C15orf40: variants seen among roughly 807,000 people sequenced by gnomAD.
The protein encoded by C15orf40 is UPF0235 protein C15orf40.
In C15orf40, 9 loss-of-function variants were observed where a neutral mutation model predicts 13.9. The ratio of observed to expected loss-of-function variants is 0.65; its 90% CI spans 0.39 to 1.13. C15orf40 has a LOEUF of 1.13. C15orf40 is among the 50% of genes most tolerant of loss of function. The pLI is 0.01. For synonymous variants in C15orf40, 95 were observed against 69.2 expected, an observed-to-expected ratio of 1.37 and a Z score of -1.85; for missense variants, 225 against 188.5, an observed-to-expected ratio of 1.19 and a Z score of -1.13.
At position 82,996,208 on chromosome 15, in the gene C15orf40, C is replaced by G. The variant is rs763247335; in HGVS notation, c.*9389G>C. The G allele has an allele frequency of 1.3e-5, 2 of 152,142 alleles. No individual in the cohort carries two copies. Among genetic ancestry groups the G allele is most frequent in the Non-Finnish European group, 2.9e-5 (2 of 68,036 alleles). 9.4% of individuals were successfully genotyped at this position (152,142 alleles called of 1,614,324 possible). On this transcript the variant is annotated 3_prime_UTR_variant, in exon 4 of 4. Transcript: ENST00000304177. ...GATCTCATGGTTTTTTTCCACTGCT[C>G]GTGCCTTTAACTCCCTAAAGAATCT...
At chr15:83,008,994 A>G (rs1181527194) in intron 2 of C15orf40, among the ~76,000 whole-genome samples, 1 of 152,174 alleles carries the variant, frequency 6.6e-6, no homozygotes, top group Non-Finnish European at 1.5e-5. Context: ...GAAGAGCCCC[A>G]GGCAGGGAGT....
At position 83,004,986 on chromosome 15, in the gene C15orf40, A is replaced by G. The variant is rs558621576; in HGVS notation, c.*611T>C. On this transcript the variant is annotated 3_prime_UTR_variant, in exon 4 of 4. Transcript: ENST00000304177. ...GTCTCTCAACTTCTGGATATAGGAA[A>G]TCAAAGGCCCCCCAACAGAATGAAA... 550 of 1,277,036 alleles carry G rather than the reference A, an allele frequency of 4.3e-4. No individual in the cohort carries two copies. The highest frequency in any genetic ancestry group is 5.3e-4 in the Non-Finnish European group (508 of 966,876). The allele number at this position is 1,277,036 out of a possible 1,614,324, so 79.1% of individuals were successfully genotyped here.
chr15:82,989,791 G>A, downstream of C15orf40: 1 of 1,465,576 alleles, frequency 6.8e-7, no homozygotes, highest in Non-Finnish European at 9.2e-7. Flanking sequence ...TTGTGTATTA[G>A]AATGAGAAAC....
chr15:82,989,329 C>A, downstream of C15orf40: 3 of 649,610 alleles, frequency 4.6e-6, no homozygotes, highest in Non-Finnish European at 7.1e-6. Context: ...CCTGGTACAT[C>A]ATTTCTGATA....
downstream of C15orf40, chr15:82,988,978 T>G (rs1286849615): frequency 4.5e-6 from 7 of 1,541,416 alleles, 1 homozygote; most frequent in South Asian, 8.8e-5. Context: ...TTTTAAATTT[T>G]TTTTAATGGA....
rs757287860 is a variant in C15orf40, at chr15:83,004,871, T to C, written c.*726A>G. 1.5e-5 allele frequency: 20 copies of C among 1,303,250 alleles called. No homozygotes were observed. The highest frequency in any genetic ancestry group is 2.1e-4 in the Middle Eastern group (1 of 4,692). The allele number at this position is 1,303,250 out of a possible 1,614,324, so 80.7% of individuals were successfully genotyped here. ...CCAGAACCGTTGTGGAGATATGATT[T>C]TTAATTTACAATCTAGAAAAACTGC... On this transcript the variant is annotated 3_prime_UTR_variant, in exon 4 of 4. Coordinates refer to ENST00000304177, the MANE Select transcript of C15orf40 (RefSeq NM_144597.3).
intron 3 of C15orf40, chr15:83,006,364 A>G: frequency 2.1e-6 from 2 of 973,276 alleles, no homozygotes; most frequent in Non-Finnish European, 2.4e-6. Flanking sequence ...ATAAATATAA[A>G]CAAATTGCTA....
rs151136499 is a variant in C15orf40, at chr15:83,003,119, TC to T, written c.*2477del. 1.2e-3 allele frequency: 171 copies of T among 141,218 alleles called. No homozygotes were observed. The highest frequency in any genetic ancestry group is 4.4e-3 in the African/African-American group (168 of 37,754). 8.7% of individuals were successfully genotyped at this position (141,218 alleles called of 1,614,324 possible). A position where few individuals can be genotyped will look rare whatever the true frequency, so the allele number is the denominator to read the frequency against. ...GCCAACACGCCTGACCAAAAGTTGA[TC>T]CTTTTTTTTTTTTTTTTTTTTTGAG... On this transcript the variant is annotated 3_prime_UTR_variant, in exon 4 of 4. Transcript: ENST00000304177.
rs2031125704 is a variant in C15orf40, at chr15:82,997,079, T to A, written c.*8518A>T. 1 of 149,590 alleles carries A rather than the reference T, an allele frequency of 6.7e-6. No homozygotes were observed. Among genetic ancestry groups the A allele is most frequent in the African/African-American group, 2.4e-5 (1 of 41,028 alleles). 9.3% of individuals were successfully genotyped at this position (149,590 alleles called of 1,614,324 possible). On this transcript the variant is annotated 3_prime_UTR_variant, in exon 4 of 4. Coordinates refer to ENST00000304177, the MANE Select transcript of C15orf40 (RefSeq NM_144597.3). The stretch of plus-strand genomic sequence containing the variant: ...ATTTTTAACTGACTTCTATAGCTGT[T>A]ATTTTCCTGTCTTTATTCACTGTTC...
downstream of C15orf40, among the ~76,000 whole-genome samples, chr15:82,992,716 C>T (rs1368360634): frequency 6.6e-6 from 1 of 152,090 alleles, no homozygotes; most frequent in African/African-American, 2.4e-5. Flanking sequence ...GGTTTTCCAA[C>T]AGTATTTAAA....
At position 82,995,010 on chromosome 15, in the gene C15orf40, T is replaced by C. The variant is rs1282170074; in HGVS notation, c.*10587A>G. 2 of 152,186 alleles carry C rather than the reference T, an allele frequency of 1.3e-5. No individual in the cohort carries two copies. The highest frequency in any genetic ancestry group is 4.8e-5 in the African/African-American group (2 of 41,432). 9.4% of individuals were successfully genotyped at this position (152,186 alleles called of 1,614,324 possible). On this transcript the variant is annotated 3_prime_UTR_variant, in exon 4 of 4. Coordinates refer to ENST00000304177, the MANE Select transcript of C15orf40 (RefSeq NM_144597.3). Reference sequence around the variant, plus strand: ...ATGACATAATATCTAAACAAAGATTTCTCCTGACATCTGCTGTATTAAATT... The same window carrying C: ...ATGACATAATATCTAAACAAAGATTCCTCCTGACATCTGCTGTATTAAATT...
downstream of C15orf40, among the ~76,000 whole-genome samples, chr15:82,989,390 C>G (rs922714374): frequency 1.2e-4 from 18 of 152,138 alleles, no homozygotes; most frequent in Non-Finnish European, 2.5e-4. Flanking sequence ...CCTTGCTGTT[C>G]AAGTGCGTGT....
intron 2 of C15orf40, 79 bp downstream of exon 2, chr15:83,010,158 T>A: frequency 6.4e-7 from 1 of 1,565,556 alleles, no homozygotes; most frequent in Non-Finnish European, 8.7e-7. Flanking sequence ...TAGAATAAGC[T>A]TTCAGCTAAC....
chr15:83,005,050 C>T lies in C15orf40; in HGVS notation c.*547G>A. 1 of 1,209,692 alleles carries T rather than the reference C, an allele frequency of 8.3e-7. No individual in the cohort carries two copies. The highest frequency in any genetic ancestry group is 1.1e-6 in the Non-Finnish European group (1 of 936,062). 74.9% of individuals were successfully genotyped at this position (1,209,692 alleles called of 1,614,324 possible). A position where few individuals can be genotyped will look rare whatever the true frequency, so the allele number is the denominator to read the frequency against. Reference sequence around the variant, plus strand: ...GTCATCTTGAATATTCTTCCCAGCTCTGTTATTTTACAACGCCATGAAATC... The same window carrying T: ...GTCATCTTGAATATTCTTCCCAGCTTTGTTATTTTACAACGCCATGAAATC... On this transcript the variant is annotated 3_prime_UTR_variant, in exon 4 of 4. Transcript: ENST00000304177.
At position 83,002,276 on chromosome 15, in the gene C15orf40, A is replaced by C. The variant is rs1415823115; in HGVS notation, c.*3321T>G. 6.6e-6 allele frequency: 1 copy of C among 152,236 alleles called. No individual in the cohort carries two copies. Among genetic ancestry groups the C allele is most frequent in the African/African-American group, 2.4e-5 (1 of 41,458 alleles). The allele number at this position is 152,236 out of a possible 1,614,324, so 9.4% of individuals were successfully genotyped here. ...GTTACAAGATACTGCTACGTTTCTC[A>C]AAGAAAAAAACTCACTAGGCAAAAT... On this transcript the variant is annotated 3_prime_UTR_variant, in exon 4 of 4. Coordinates refer to ENST00000304177, the MANE Select transcript of C15orf40 (RefSeq NM_144597.3).
downstream of C15orf40, chr15:82,990,214 C>T (rs1796523059): frequency 2.9e-6 from 1 of 345,688 alleles, no homozygotes; most frequent in Non-Finnish European, 4.7e-6. Flanking sequence ...AAAAATAGAT[C>T]TTACTTGCGA....
downstream of C15orf40, among the ~76,000 whole-genome samples, chr15:82,994,330 A>G (rs2030968366): frequency 2.0e-5 from 3 of 149,422 alleles, no homozygotes; most frequent in South Asian, 6.3e-4. Flanking sequence ...TTTCCTAAAT[A>G]TAATGTTTTT....
In C15orf40 at chr15:83,001,230, C is replaced by T. The variant is rs189429520; in HGVS notation, c.*4367G>A. ...AGAAGTCTGAAATCTCTGCTCCTGC[C>T]TCCAGGGCATAATGAGCCAGGCTGT... On this transcript the variant is annotated 3_prime_UTR_variant, in exon 4 of 4. Transcript: ENST00000304177. 1.5e-4 allele frequency: 144 copies of T among 985,470 alleles called. No homozygotes were observed. The highest frequency in any genetic ancestry group is 1.7e-4 in the Non-Finnish European group (139 of 829,960). 61.0% of individuals were successfully genotyped at this position (985,470 alleles called of 1,614,324 possible).
rs927189085 is a variant in C15orf40 at position 82,998,908 on chromosome 15, T to C, written c.*6689A>G. 7.3e-6 allele frequency: 1 copy of C among 137,636 alleles called. No individual in the cohort carries two copies. The highest frequency in any genetic ancestry group is 2.1e-4 in the South Asian group (1 of 4,654). 8.5% of individuals were successfully genotyped at this position (137,636 alleles called of 1,614,324 possible). ...TGAGCACTGAGTGAACGAGACTCCGTCTGCAATCCCGGCACCTCGGGAGGC... is the reference window on the plus strand; with the variant it reads ...TGAGCACTGAGTGAACGAGACTCCGCCTGCAATCCCGGCACCTCGGGAGGC... On this transcript the variant is annotated 3_prime_UTR_variant, in exon 4 of 4. Transcript: ENST00000304177.
Sources: allele counts gnomAD v4.1 joint callset (sites outside exome capture counted in the v4.1 genomes callset), GRCh38; gene constraint gnomAD v4.1.1; transcripts MANE v1.5; gene names NCBI Gene and HGNC (gene_info 2026-07-23, HGNC 2026-07-21).